ADAM12: variants seen among roughly 807,000 people sequenced by gnomAD.
ADAM12 encodes disintegrin and metalloproteinase domain-containing protein 12.
Under a neutral mutation model 106.4 loss-of-function variants are expected in ADAM12, and 70 were observed. The observed-to-expected ratio is 0.66, with a 90% CI of 0.54 to 0.80. The LOEUF is 0.80. ADAM12 is among the 30% of genes least tolerant of loss of function. The pLI is 0.00. For missense variants in ADAM12, 1,010 were observed against 1,171.9 expected, an observed-to-expected ratio of 0.86 and a Z score of 2.02; for synonymous variants, 420 against 433.5, an observed-to-expected ratio of 0.97 and a Z score of 0.39.
Position 126,049,512 on chromosome 10 carries a change from T to G in ADAM12, c.1718+49A>C, listed in dbSNP as rs751150685. On this transcript the variant is annotated intron_variant, in intron 15 of 22. Coordinates refer to ENST00000448723, the MANE Select transcript of ADAM12 (RefSeq NM_001288973.2). This position sits in a 1 kb window ranked among gnomAD's most constrained non-coding sequence, Gnocchi z 4.4. ...ACCATTTGGAACCAACCCTATGCAATGTGGGAAGGTCAGAGCAAAGACTTT... is the reference window on the plus strand; with the variant it reads ...ACCATTTGGAACCAACCCTATGCAAGGTGGGAAGGTCAGAGCAAAGACTTT... 6.2e-7 allele frequency: 1 copy of G among 1,613,430 alleles called. No individual in the cohort carries two copies. The highest frequency in any genetic ancestry group is 1.7e-5 in the Admixed American group (1 of 60,008).
At chr10:126,238,391 A>T (rs1349740123) in intron 3 of ADAM12, among the ~76,000 whole-genome samples, 1 of 152,186 alleles carries the variant, frequency 6.6e-6, no homozygotes, top group Non-Finnish European at 1.5e-5. Context: ...GGGCAGGAGA[A>T]TCGCTTGAAC....
At chr10:126,278,184 C>T (rs973094212) in intron 3 of ADAM12, among the ~76,000 whole-genome samples, 1 of 152,162 alleles carries the variant, frequency 6.6e-6, no homozygotes, top group Non-Finnish European at 1.5e-5. Context: ...ATACAGATTG[C>T]TTATTAGAAG....
intron 3 of ADAM12, among the ~76,000 whole-genome samples, chr10:126,243,494 T>TGTGTGTGG (rs1390917152): frequency 6.6e-6 from 1 of 150,834 alleles, no homozygotes; most frequent in African/African-American, 2.4e-5. Flanking sequence ...AGTGTATGTG[T>TGTGTGTGG]GTGTGTGTGT....
At chr10:126,294,101 G>A (rs1039732513) in intron 2 of ADAM12, among the ~76,000 whole-genome samples, 1 of 152,158 alleles carries the variant, frequency 6.6e-6, no homozygotes, top group Non-Finnish European at 1.5e-5. Flanking sequence ...CTGTATTAAT[G>A]CCTCATAAAA....
rs59527849 is a variant in ADAM12, at chr10:126,152,008, G to GT, written c.339+3218dup. Among the ~76,000 whole-genome samples the GT allele has an allele frequency of 8.0e-3, 1,070 of 133,068 alleles. 10 individuals carry two copies. The highest frequency in any genetic ancestry group is 0.019 in the African/African-American group (706 of 36,664). 87.3% of individuals were successfully genotyped at this position (133,068 alleles called of 152,430 possible). A position where few individuals can be genotyped will look rare whatever the true frequency, so the allele number is the denominator to read the frequency against. On this transcript the variant is annotated intron_variant, in intron 4 of 22. Coordinates refer to ENST00000448723, the MANE Select transcript of ADAM12 (RefSeq NM_001288973.2). ...TGGTTTAATTCATCTTCCCTCTTGAGTTTTTTTTTTTTTTTTTTGGTCTTC... is the reference window on the plus strand; with the variant it reads ...TGGTTTAATTCATCTTCCCTCTTGAGTTTTTTTTTTTTTTTTTTTGGTCTTC...
intron 19 of ADAM12, 102 bp from the exon 20 acceptor site, chr10:126,038,451 T>G (rs1565001868): frequency 1.2e-6 from 1 of 845,200 alleles, no homozygotes; most frequent in Non-Finnish European, 1.8e-6. Context: ...ACAGTTTACT[T>G]AACTCAGTGT....
chr10:126,121,494 TATATA>T (rs10601598), intron 5 of ADAM12, among the ~76,000 whole-genome samples: 77,999 of 136,438 alleles, frequency 0.57, 22,434 homozygotes, highest in East Asian at 0.61. Context: ...TATGTAACAA[TATATA>T]ATATAATAGA....
At chr10:126,220,970 G>A (rs186312761) in intron 3 of ADAM12, among the ~76,000 whole-genome samples, 14 of 152,342 alleles carry the variant, frequency 9.2e-5, no homozygotes, top group Middle Eastern at 6.8e-3. Context: ...ATCCCACCCC[G>A]TTAGGGGACG....
chr10:126,038,380 G>T (rs1379742601), intron 19 of ADAM12, 31 bp from the exon 20 acceptor site: 2 of 1,501,742 alleles, frequency 1.3e-6, no homozygotes, highest in Admixed American at 4.4e-5. Context: ...TGCTGACCAA[G>T]CGTGTTTCCC....
chr10:126,053,573 C>T lies in ADAM12; in HGVS notation c.1610-3904G>A, dbSNP rs780436219. On this transcript the variant is annotated intron_variant, in intron 14 of 22. Transcript: ENST00000448723. The surrounding 1 kb of genome is among the most constrained non-coding windows in gnomAD (Gnocchi z 4.6). ...CACAGATGACACAGTCAAGCATCAT[C>T]TTATAATATGCTGTCAATTAACTTA... 1.3e-5 allele frequency among the ~76,000 whole-genome samples: 2 copies of T among 152,054 alleles called. No individual in the cohort carries two copies. Among genetic ancestry groups the T allele is most frequent in the Admixed American group, 6.5e-5 (1 of 15,278 alleles).
intron 2 of ADAM12, among the ~76,000 whole-genome samples, chr10:126,308,218 C>T (rs1960933626): frequency 1.3e-5 from 2 of 150,176 alleles, no homozygotes; most frequent in Middle Eastern, 3.4e-3. Flanking sequence ...CAAAAGACTA[C>T]AGATGAAGTT....
intron 14 of ADAM12, among the ~76,000 whole-genome samples, chr10:126,063,215 G>A (rs1324512405): frequency 1.3e-5 from 2 of 152,284 alleles, no homozygotes; most frequent in Admixed American, 6.5e-5. Context: ...AGGAGCATCA[G>A]AACAACTCCT....
At chr10:126,054,487 CA>C (rs1201900591) in intron 14 of ADAM12, among the ~76,000 whole-genome samples, 1 of 152,218 alleles carries the variant, frequency 6.6e-6, no homozygotes, top group African/African-American at 2.4e-5. Flanking sequence ...TGGCTACTTT[CA>C]GGGGGAAGCC....
intron 4 of ADAM12, among the ~76,000 whole-genome samples, chr10:126,148,172 C>T (rs2133706345): frequency 6.6e-6 from 1 of 152,288 alleles, no homozygotes. Context: ...TAAAATCAGC[C>T]ACTCTTCTGA....
rs2133450517 is a variant in ADAM12 at position 126,053,637 on chromosome 10, T to C, written c.1610-3968A>G. On this transcript the variant is annotated intron_variant, in intron 14 of 22. Coordinates refer to ENST00000448723, the MANE Select transcript of ADAM12 (RefSeq NM_001288973.2). This position sits in a 1 kb window ranked among gnomAD's most constrained non-coding sequence, Gnocchi z 4.6. The stretch of plus-strand genomic sequence containing the variant: ...AAAAGAATCACATTTTAATTTAGAT[T>C]GTCTTAAAAAAAAAACCTCTCCCAC... Among the ~76,000 whole-genome samples, 1 of 152,124 alleles carries C rather than the reference T, an allele frequency of 6.6e-6. No individual in the cohort carries two copies. The highest frequency in any genetic ancestry group is 1.9e-4 in the East Asian group (1 of 5,178).
chr10:126,191,900 C>T (rs984713048), intron 3 of ADAM12, among the ~76,000 whole-genome samples: 4 of 152,130 alleles, frequency 2.6e-5, no homozygotes, highest in Non-Finnish European at 5.9e-5. Flanking sequence ...TGGGAGGCCT[C>T]AGAAAACTTA....
At chr10:126,110,102 T>C (rs192649967) in intron 6 of ADAM12, among the ~76,000 whole-genome samples, 1 of 152,174 alleles carries the variant, frequency 6.6e-6, no homozygotes, top group Admixed American at 6.5e-5. Flanking sequence ...TCATGGATTA[T>C]TGGAGCAGCA....
chr10:126,133,234 T>A (rs983449198), intron 5 of ADAM12, among the ~76,000 whole-genome samples: 3 of 152,154 alleles, frequency 2.0e-5, no homozygotes, highest in Admixed American at 1.3e-4. Flanking sequence ...AAATTGTCAC[T>A]TCCAAACTCT....
intron 6 of ADAM12, among the ~76,000 whole-genome samples, chr10:126,112,661 A>T (rs180834517): frequency 1.3e-3 from 205 of 152,330 alleles, no homozygotes; most frequent in Non-Finnish European, 4.4e-4. Flanking sequence ...GCAAGTTGAC[A>T]TTGGGGCTAT....
Sources: gnomAD v4.1 joint callset for allele counts (sites outside exome capture counted in the v4.1 genomes callset) on GRCh38, gnomAD v4.1.1 for gene constraint, Gnocchi (gnomAD v3.1) non-coding constraint, MANE v1.5 for transcripts, NCBI Gene and HGNC (gene_info 2026-07-23, HGNC 2026-07-21) for gene names.